Variants in GRID2 observed in about 807,000 individuals in gnomAD.
GRID2 encodes the protein glutamate ionotropic receptor delta type subunit 2.
In GRID2, 33 loss-of-function variants were observed where a neutral mutation model predicts 114.8. The ratio of observed to expected loss-of-function variants is 0.29; its 90% confidence interval spans 0.22 to 0.38. GRID2 has a LOEUF of 0.38. Ranked by LOEUF, GRID2 falls within the 10% of genes least tolerant of loss-of-function variation. The probability of loss-of-function intolerance (pLI) is 1.00; values close to 1 mark genes in which losing one functional copy is unlikely to be tolerated. For missense variants in GRID2, 1,184 were observed against 1,257.7 expected, an observed-to-expected ratio of 0.94 and a Z score of 0.89; for synonymous variants, 505 against 449.9, an observed-to-expected ratio of 1.12 and a Z score of -1.55.
chr4:92,756,427 A>C (rs1737723914), intron 2 of GRID2, among the ~76,000 whole-genome samples: 5 of 152,120 alleles, frequency 3.3e-5, no homozygotes. Context: ...CCTTTGATAC[A>C]TTGATTCTCT....
At chr4:93,167,450 G>A (rs1044818377) in intron 4 of GRID2, among the ~76,000 whole-genome samples, 7 of 152,056 alleles carry the variant, frequency 4.6e-5, no homozygotes, top group South Asian at 4.1e-4. Flanking sequence ...TCTCTATATC[G>A]TTTTTAAAAG....
At chr4:93,039,796 A>T (rs1725316160) in intron 2 of GRID2, among the ~76,000 whole-genome samples, 1 of 152,196 alleles carries the variant, frequency 6.6e-6, no homozygotes, top group African/African-American at 2.4e-5. Context: ...TCTCATCTGT[A>T]CATGGGTTAA....
At chr4:93,680,028 T>TAG (rs1725350870) in intron 14 of GRID2, among the ~76,000 whole-genome samples, 1 of 150,832 alleles carries the variant, frequency 6.6e-6, no homozygotes, top group Non-Finnish European at 1.5e-5. Flanking sequence ...GATAGACCGC[T>TAG]AGCAAGACTA....
intron 1 of GRID2, among the ~76,000 whole-genome samples, chr4:92,418,997 C>T (rs1358900507): frequency 1.3e-5 from 2 of 152,182 alleles, no homozygotes; most frequent in South Asian, 2.1e-4. Flanking sequence ...TCTCTCGTCT[C>T]TTTCTTTTGA....
chr4:92,499,492 G>C (rs1473414373), intron 1 of GRID2, among the ~76,000 whole-genome samples: 3 of 151,858 alleles, frequency 2.0e-5, no homozygotes, highest in Non-Finnish European at 4.4e-5. Flanking sequence ...TTATAGACTG[G>C]CTCTTCTATA....
chr4:93,263,772 T>C (rs1750507093), intron 8 of GRID2, among the ~76,000 whole-genome samples: 1 of 152,060 alleles, frequency 6.6e-6, no homozygotes, highest in Admixed American at 6.6e-5. Context: ...ATGTCAGAAA[T>C]AACTACTTAG....
At chr4:92,906,913 G>C (rs1748001017) in intron 2 of GRID2, among the ~76,000 whole-genome samples, 1 of 152,084 alleles carries the variant, frequency 6.6e-6, no homozygotes, top group Non-Finnish European at 1.5e-5. Context: ...CTTCACTCTG[G>C]AGCTTGTTAG....
intron 1 of GRID2, among the ~76,000 whole-genome samples, chr4:92,363,247 A>T (rs1217334451): frequency 6.6e-6 from 1 of 152,052 alleles, no homozygotes; most frequent in East Asian, 1.9e-4. Context: ...ATTGCTTTAG[A>T]GCAGTGATCT....
chr4:93,400,003 A>G (rs960047518), intron 9 of GRID2, among the ~76,000 whole-genome samples: 3 of 152,112 alleles, frequency 2.0e-5, no homozygotes, highest in Non-Finnish European at 4.4e-5. Flanking sequence ...AGTGGCACTA[A>G]TTACATTATA....
intron 14 of GRID2, among the ~76,000 whole-genome samples, chr4:93,680,640 A>G (rs1489239959): frequency 6.7e-6 from 1 of 150,102 alleles, no homozygotes; most frequent in Non-Finnish European, 1.5e-5. Context: ...AAATCAATAA[A>G]TGTAATCCAG....
At chr4:93,781,069 A>G (rs1734469044) in intron 1 of GRID2, among the ~76,000 whole-genome samples, 1 of 152,274 alleles carries the variant, frequency 6.6e-6, no homozygotes, top group African/African-American at 2.4e-5. Flanking sequence ...TTCAGATGCC[A>G]GAAAGATGGA....
intron 11 of GRID2, among the ~76,000 whole-genome samples, chr4:93,470,138 C>A (rs1160721632): frequency 6.6e-6 from 1 of 151,936 alleles, no homozygotes; most frequent in Non-Finnish European, 1.5e-5. Context: ...CATATAAAAG[C>A]CTACTTTAGT....
At chr4:93,463,641 A>G (rs1293663934) in intron 11 of GRID2, among the ~76,000 whole-genome samples, 1 of 152,204 alleles carries the variant, frequency 6.6e-6, no homozygotes, top group African/African-American at 2.4e-5. Context: ...AGACACTAAA[A>G]AATTGAAGGG....
At chr4:93,574,613 G>C (rs141068738) in intron 13 of GRID2, among the ~76,000 whole-genome samples, 3 of 152,036 alleles carry the variant, frequency 2.0e-5, no homozygotes, top group Non-Finnish European at 4.4e-5. Flanking sequence ...GATCTTGTGA[G>C]ACTTATTCAC....
At chr4:93,023,649 G>T (rs1723608434) in intron 2 of GRID2, among the ~76,000 whole-genome samples, 1 of 151,800 alleles carries the variant, frequency 6.6e-6, no homozygotes, top group African/African-American at 2.4e-5. Context: ...TATGCCTTGA[G>T]GACAGGGCTA....
rs146019935 is a variant in GRID2, at chr4:92,460,177, C to A, written c.89-129954C>A. On this transcript the variant is annotated intron_variant, in intron 1 of 15. Transcript: ENST00000282020. Reference sequence around the variant, plus strand: ...ACAAATAAACAAAAATAGCCCAAACCAGAAAAGTCACTCAATGTATATGTG... The same window carrying A: ...ACAAATAAACAAAAATAGCCCAAACAAGAAAAGTCACTCAATGTATATGTG... 6.7e-3 allele frequency among the ~76,000 whole-genome samples: 1,015 copies of A among 150,478 alleles called. 7 individuals are homozygous for A. Among genetic ancestry groups the A allele is most frequent in the Middle Eastern group, 0.014 (4 of 292 alleles).
At chr4:93,468,564 G>A (rs905989060) in intron 11 of GRID2, among the ~76,000 whole-genome samples, 4 of 152,058 alleles carry the variant, frequency 2.6e-5, no homozygotes, top group African/African-American at 4.8e-5. Context: ...ATAGATATCT[G>A]GAGGAAAGAT....
At chr4:92,777,541 C>T (rs930855089) in intron 2 of GRID2, among the ~76,000 whole-genome samples, 3 of 151,940 alleles carry the variant, frequency 2.0e-5, no homozygotes, top group Non-Finnish European at 4.4e-5. Flanking sequence ...GCTTCTTAAA[C>T]GAGATGATCT....
chr4:93,174,662 A>C (rs1239685831), intron 4 of GRID2, among the ~76,000 whole-genome samples: 1 of 152,150 alleles, frequency 6.6e-6, no homozygotes, highest in Non-Finnish European at 1.5e-5. Context: ...TCATATAAGG[A>C]CACAGAGAGA....
Sources: allele counts gnomAD v4.1 joint callset (sites outside exome capture counted in the v4.1 genomes callset), GRCh38; gene constraint gnomAD v4.1.1; transcripts MANE v1.5; gene names NCBI Gene and HGNC (gene_info 2026-07-23, HGNC 2026-07-21).